Variants in RSPH14 observed in about 807,000 individuals in gnomAD.
RSPH14 encodes radial spoke head 14 homolog.
A neutral mutation model predicts 26.7 loss-of-function variants in RSPH14; 20 were observed. The ratio of observed to expected loss-of-function variants is 0.75; its 90% confidence interval spans 0.53 to 1.09. The LOEUF is 1.09. RSPH14 is among the 50% of genes least tolerant of loss of function. The pLI is 0.00. For missense variants in RSPH14, 449 were observed against 457.2 expected (o/e 0.98, Z 0.16); for synonymous variants, 177 against 189.3 (o/e 0.93, Z 0.53).
chr22:23,140,096 C>T lies in RSPH14; in HGVS notation c.199+126G>A, dbSNP rs763748668. 4.2e-6 allele frequency: 5 copies of T among 1,183,812 alleles called. No homozygotes were observed. The East Asian group carries it at 1.0e-4, about 24-fold the overall frequency. The allele number at this position is 1,183,812 out of a possible 1,614,324, so 73.3% of individuals were successfully genotyped here. ...TTTTTTAAAAAGAACCCGGGCACCG[C>T]ACCTATAGTGGAACTGGCCTGGAGT... On this transcript the variant is annotated intron_variant, in intron 2 of 6. Transcript: ENST00000216036.
At chr22:23,143,291 TAAAA>T (rs1157937058), upstream of RSPH14, among the ~76,000 whole-genome samples, 1 of 133,750 alleles carries the variant, frequency 7.5e-6, no homozygotes, top group African/African-American at 2.9e-5. Context: ...ACCTCAACTC[TAAAA>T]TAAATAAATA....
the RSPH14 span, among the ~76,000 whole-genome samples, chr22:23,165,565 G>T: frequency 2.6e-5 from 4 of 152,208 alleles, no homozygotes; most frequent in Admixed American, 1.3e-4. Flanking sequence ...GAAAGAATTG[G>T]ACTTCGGGCA....
At chr22:23,115,768 G>A (rs2069813909) in intron 4 of RSPH14, among the ~76,000 whole-genome samples, 1 of 152,230 alleles carries the variant, frequency 6.6e-6, no homozygotes, top group Admixed American at 6.5e-5. Context: ...GTCTTTTTCA[G>A]TTTATTTTCT....
intron 4 of RSPH14, chr22:23,096,110 G>A (rs775094245): frequency 6.2e-7 from 1 of 1,611,086 alleles, no homozygotes; most frequent in South Asian, 1.1e-5. Flanking sequence ...AGGGGCACAG[G>A]CCTGCTTCAG....
At chr22:23,062,575 C>A (rs2068118806) in intron 5 of RSPH14, among the ~76,000 whole-genome samples, 1 of 152,216 alleles carries the variant, frequency 6.6e-6, no homozygotes. Flanking sequence ...TTTAATCAAC[C>A]TTTCCCAAAT....
chr22:23,170,345 C>T, the RSPH14 span, among the ~76,000 whole-genome samples: 68 of 152,274 alleles, frequency 4.5e-4, no homozygotes, highest in East Asian at 1.7e-3. Flanking sequence ...GGTGCCAACA[C>T]GGTTGGATTC....
chr22:23,126,332 G>A (rs745724219), intron 4 of RSPH14, among the ~76,000 whole-genome samples: 28 of 152,090 alleles, frequency 1.8e-4, no homozygotes, highest in Admixed American at 6.6e-4. Flanking sequence ...AGGCGCTGTC[G>A]ACCTCTCTGG....
At chr22:23,072,579 C>T (rs1042473462) in intron 4 of RSPH14, among the ~76,000 whole-genome samples, 8 of 152,204 alleles carry the variant, frequency 5.3e-5, no homozygotes, top group Admixed American at 5.2e-4. Flanking sequence ...TGTAGTGTGC[C>T]TACCCTCCCC....
intron 4 of RSPH14, among the ~76,000 whole-genome samples, chr22:23,075,344 C>G (rs996720347): frequency 6.6e-6 from 1 of 152,214 alleles, no homozygotes; most frequent in African/African-American, 2.4e-5. Context: ...CAATTGCCTG[C>G]TGCAATTCTT....
chr22:23,063,653 G>A (rs376875974), intron 5 of RSPH14, among the ~76,000 whole-genome samples: 12 of 152,314 alleles, frequency 7.9e-5, no homozygotes, highest in African/African-American at 2.9e-4. Context: ...TCCTCATGGG[G>A]AGGGGGTGCA....
intron 4 of RSPH14, among the ~76,000 whole-genome samples, chr22:23,127,499 G>A (rs1178584299): frequency 1.3e-5 from 2 of 152,190 alleles, no homozygotes; most frequent in African/African-American, 4.8e-5. Flanking sequence ...CTCACCCTGT[G>A]GCATCAAGGG....
intron 4 of RSPH14, among the ~76,000 whole-genome samples, chr22:23,082,425 T>A: frequency 6.7e-6 from 1 of 149,994 alleles, no homozygotes; most frequent in East Asian, 2.0e-4. Flanking sequence ...GGTTTCACCA[T>A]GTTGGCCAGG....
chr22:23,060,582 G>A (rs984130930), intron 6 of RSPH14, among the ~76,000 whole-genome samples: 4 of 151,850 alleles, frequency 2.6e-5, no homozygotes, highest in South Asian at 2.1e-4. Context: ...TCAACCATTC[G>A]CTGCCCCTTT....
chr22:23,118,949 T>C (rs1453969155), intron 4 of RSPH14, among the ~76,000 whole-genome samples: 1 of 152,106 alleles, frequency 6.6e-6, no homozygotes, highest in African/African-American at 2.4e-5. Flanking sequence ...GCCAGATGGG[T>C]GCAGGAGGCA....
rs371067217 is a variant in RSPH14 at position 23,092,617 on chromosome 22, C to T, written c.422-28484G>A. ...TCCTTGCACATTGCCCTGTCGTTGC[C>T]GGCGCACACTGATCGAAGACTGCAT... On this transcript the variant is annotated intron_variant, in intron 4 of 6. Transcript: ENST00000216036. Among the ~76,000 whole-genome samples, 10 of 152,286 alleles carry T rather than the reference C, an allele frequency of 6.6e-5. No individual in the cohort carries two copies. In the East Asian group the frequency reaches 1.2e-3, roughly 18 times the overall value.
upstream of RSPH14, chr22:23,146,663 G>A (rs142316830): frequency 1.2e-5 from 20 of 1,613,862 alleles, no homozygotes; most frequent in Admixed American, 3.3e-5. Context: ...AGCCGCGACC[G>A]TGTCATCGCC....
At chr22:23,099,226 G>C (rs2069221987) in intron 4 of RSPH14, among the ~76,000 whole-genome samples, 1 of 152,268 alleles carries the variant, frequency 6.6e-6, no homozygotes, top group Non-Finnish European at 1.5e-5. Context: ...GGGTGTGAGG[G>C]CTGCAGTGAG....
the RSPH14 span, among the ~76,000 whole-genome samples, chr22:23,169,778 C>T: frequency 1.3e-5 from 2 of 152,050 alleles, no homozygotes; most frequent in African/African-American, 4.8e-5. Flanking sequence ...GCCATTGCAC[C>T]CACCCACAAG....
chr22:23,144,452 G>A (rs78755721), upstream of RSPH14, among the ~76,000 whole-genome samples: 586 of 152,322 alleles, frequency 3.8e-3, 5 homozygotes, highest in African/African-American at 0.013. Context: ...CATTGAAATA[G>A]ATAGTTGCGT....
Sources: gnomAD v4.1 joint callset for allele counts (sites outside exome capture counted in the v4.1 genomes callset) on GRCh38, gnomAD v4.1.1 for gene constraint, MANE v1.5 for transcripts, NCBI Gene and HGNC (gene_info 2026-07-23, HGNC 2026-07-21) for gene names.